Variants in SLC24A2 observed in about 807,000 individuals in gnomAD.
SLC24A2 encodes the protein solute carrier family 24 member 2, also known as sodium/potassium/calcium exchanger 2.
Under a neutral mutation model 62.0 loss-of-function variants are expected in SLC24A2, and 36 were observed. The observed-to-expected ratio is 0.58, with a 90% CI of 0.44 to 0.77. SLC24A2 has a LOEUF of 0.77. Among genes scored for constraint, SLC24A2 ranks in the 30% least tolerant of loss-of-function variants. The pLI, the probability that SLC24A2 is intolerant of heterozygous loss-of-function variation, is 0.00. For missense variants in SLC24A2, 846 were observed against 817.9 expected, an observed-to-expected ratio of 1.03 and a Z score of -0.42; for synonymous variants, 358 against 294.0, an observed-to-expected ratio of 1.22 and a Z score of -2.23.
chr9:20,012,076 T>C, the SLC24A2 span, among the ~76,000 whole-genome samples: 3 of 152,216 alleles, frequency 2.0e-5, no homozygotes, highest in African/African-American at 7.2e-5. Context: ...AACCTATGGC[T>C]AACATCATTC....
At chr9:20,284,038 G>A in the SLC24A2 span, among the ~76,000 whole-genome samples, 1 of 151,990 alleles carries the variant, frequency 6.6e-6, no homozygotes, top group African/African-American at 2.4e-5. Context: ...TAACAGGTGT[G>A]GACCATCAGT....
At chr9:19,586,161 C>T (rs1052101301) in intron 5 of SLC24A2, among the ~76,000 whole-genome samples, 2 of 152,160 alleles carry the variant, frequency 1.3e-5, no homozygotes, top group Non-Finnish European at 2.9e-5. Context: ...CCCTGAGTCC[C>T]TCTCCCCCAT....
intron 2 of SLC24A2, among the ~76,000 whole-genome samples, chr9:19,718,969 A>G (rs1054821868): frequency 4.3e-4 from 66 of 152,212 alleles, no homozygotes; most frequent in African/African-American, 1.6e-3. Context: ...GAGAAAGAAG[A>G]ATCCAGGTGC....
chr9:19,777,808 T>G (rs1822888556), intron 2 of SLC24A2, among the ~76,000 whole-genome samples: 1 of 152,176 alleles, frequency 6.6e-6, no homozygotes, highest in Non-Finnish European at 1.5e-5. Context: ...GATGGTGCAA[T>G]GAGAGAATAT....
the SLC24A2 span, among the ~76,000 whole-genome samples, chr9:20,004,074 C>A: frequency 6.6e-6 from 1 of 152,050 alleles, no homozygotes; most frequent in Non-Finnish European, 1.5e-5. Flanking sequence ...TTTTCTCAGC[C>A]TTGATATTCT....
intron 2 of SLC24A2, among the ~76,000 whole-genome samples, chr9:19,782,171 C>G (rs1377978297): frequency 6.6e-6 from 1 of 152,204 alleles, no homozygotes; most frequent in African/African-American, 2.4e-5. Flanking sequence ...CAGCTGCTTT[C>G]TAGGCCAATG....
chr9:20,266,322 C>G, the SLC24A2 span, among the ~76,000 whole-genome samples: 1 of 152,256 alleles, frequency 6.6e-6, no homozygotes, highest in South Asian at 2.1e-4. Flanking sequence ...CTTTTGTACT[C>G]TGTCCCTTTA....
At chr9:20,142,214 G>A in the SLC24A2 span, among the ~76,000 whole-genome samples, 810 of 152,258 alleles carry the variant, frequency 5.3e-3, 7 homozygotes, top group African/African-American at 0.018. Flanking sequence ...AGTTCTGCAG[G>A]AAAGAATACT....
At chr9:20,133,211 A>G in the SLC24A2 span, among the ~76,000 whole-genome samples, 4 of 152,158 alleles carry the variant, frequency 2.6e-5, no homozygotes, top group East Asian at 7.7e-4. Flanking sequence ...CTTGTAATAA[A>G]TCATACATGC....
At chr9:20,105,602 G>A in the SLC24A2 span, among the ~76,000 whole-genome samples, 6 of 151,906 alleles carry the variant, frequency 3.9e-5, no homozygotes, top group Middle Eastern at 3.4e-3. Flanking sequence ...ATGACTACTG[G>A]GTACATAATG....
chr9:19,639,984 A>C (rs1818452108), intron 2 of SLC24A2, among the ~76,000 whole-genome samples: 1 of 152,256 alleles, frequency 6.6e-6, no homozygotes, highest in African/African-American at 2.4e-5. Context: ...TATGTTTGTG[A>C]ATGGATTTCT....
intron 7 of SLC24A2, among the ~76,000 whole-genome samples, chr9:19,565,413 G>A (rs7865054): frequency 0.054 from 8,116 of 150,570 alleles, 724 homozygotes; most frequent in African/African-American, 0.19. Context: ...TACAAGGGAT[G>A]TGAAGGACCT....
At chr9:19,912,095 G>C in the SLC24A2 span, among the ~76,000 whole-genome samples, 1 of 152,112 alleles carries the variant, frequency 6.6e-6, no homozygotes, top group Non-Finnish European at 1.5e-5. Context: ...TGACAATGGA[G>C]TGTCGTGGAG....
chr9:20,152,956 T>C, the SLC24A2 span, among the ~76,000 whole-genome samples: 1 of 151,802 alleles, frequency 6.6e-6, no homozygotes, highest in Non-Finnish European at 1.5e-5. Flanking sequence ...TTTGGAGTAA[T>C]TTGTACGGTG....
chr9:19,766,425 C>A (rs139629115), intron 2 of SLC24A2, among the ~76,000 whole-genome samples: 46 of 152,332 alleles, frequency 3.0e-4, no homozygotes, highest in African/African-American at 1.1e-3. Flanking sequence ...TTTTCCTCAT[C>A]TTCAGGGATT....
chr9:20,048,349 G>A, the SLC24A2 span, among the ~76,000 whole-genome samples: 5 of 152,230 alleles, frequency 3.3e-5, no homozygotes, highest in Admixed American at 1.3e-4. Flanking sequence ...AATATTATTG[G>A]CATTTGACCT....
Position 19,513,987 on chromosome 9 carries a change from A to G in SLC24A2, c.*2166T>C, listed in dbSNP as rs1052772299. 6.6e-6 allele frequency: 1 copy of G among 152,130 alleles called. No individual in the cohort carries two copies. The highest frequency in any genetic ancestry group is 2.4e-5 in the African/African-American group (1 of 41,420). The allele number at this position is 152,130 out of a possible 1,614,324, so 9.4% of individuals were successfully genotyped here. A position where few individuals can be genotyped will look rare whatever the true frequency, so the allele number is the denominator to read the frequency against. On this transcript the variant is annotated 3_prime_UTR_variant, in exon 11 of 11. Transcript: ENST00000341998. ...AGCGCCTCTATTGGATGGTGTTTCA[A>G]TGTCTTGGAAGGCATTGTCCCACAT... is the stretch of plus-strand genomic sequence containing the variant.
the SLC24A2 span, among the ~76,000 whole-genome samples, chr9:19,946,604 C>A: frequency 6.6e-6 from 1 of 152,220 alleles, no homozygotes; most frequent in East Asian, 1.9e-4. Context: ...CAGACCAGGT[C>A]ATCTCCTGAG....
At chr9:19,967,227 A>G in the SLC24A2 span, 1 of 152,182 alleles carries the variant, frequency 6.6e-6, no homozygotes, top group Non-Finnish European at 1.5e-5. Flanking sequence ...ATTAGCATCA[A>G]TAAATTCCTC....
Sources: allele counts gnomAD v4.1 joint callset (sites outside exome capture counted in the v4.1 genomes callset), GRCh38; gene constraint gnomAD v4.1.1; transcripts MANE v1.5; gene names NCBI Gene and HGNC (gene_info 2026-07-23, HGNC 2026-07-21).